The following CCDC186 variants were observed in gnomAD, a reference collection of about 807,000 sequenced individuals.
The protein encoded by CCDC186 is coiled-coil domain-containing protein 186.
CCDC186 carries 49 observed loss-of-function variants against 113.7 expected under a neutral mutation model. The observed-to-expected ratio is 0.43, with a 90% CI of 0.34 to 0.55. The LOEUF is 0.55. CCDC186 is among the 20% of genes least tolerant of loss of function. The probability of loss-of-function intolerance (pLI) is 0.02; values close to 1 mark genes in which losing one functional copy is unlikely to be tolerated. For missense variants in CCDC186, 890 were observed against 1,011.1 expected, an observed-to-expected ratio of 0.88 and a Z score of 1.62; for synonymous variants, 355 against 345.8, an observed-to-expected ratio of 1.03 and a Z score of -0.30.
At chr10:114,134,173 C>T (rs963046819) in intron 10 of CCDC186, among the ~76,000 whole-genome samples, 3 of 152,144 alleles carry the variant, frequency 2.0e-5, no homozygotes, top group African/African-American at 4.8e-5. Context: ...ACAACTGTCA[C>T]CTGACAGCTC....
chr10:114,167,897 G>A (rs2032383315), intron 1 of CCDC186, among the ~76,000 whole-genome samples: 1 of 151,302 alleles, frequency 6.6e-6, no homozygotes, highest in Non-Finnish European at 1.5e-5. Context: ...GAGATGGGAG[G>A]ATCACTTGAG....
chr10:114,172,731 T>C (rs767248416), intron 1 of CCDC186, among the ~76,000 whole-genome samples: 1 of 152,208 alleles, frequency 6.6e-6, no homozygotes. Flanking sequence ...GCATTAAAAA[T>C]AACATGAAAA....
At chr10:114,173,073 G>C (rs1238429629) in intron 1 of CCDC186, 15 of 372,156 alleles carry the variant, frequency 4.0e-5, no homozygotes, top group Non-Finnish European at 8.2e-5. Flanking sequence ...CCGGCCTATC[G>C]TTTTGGAAGA....
At chr10:114,153,700 C>T (rs1363057042) in intron 3 of CCDC186, among the ~76,000 whole-genome samples, 3 of 150,712 alleles carry the variant, frequency 2.0e-5, no homozygotes, top group African/African-American at 4.9e-5. Context: ...GCAGGAGAAT[C>T]GCTTGAACTC....
At chr10:114,132,779 G>A (rs1003166248) in intron 10 of CCDC186, among the ~76,000 whole-genome samples, 4 of 152,196 alleles carry the variant, frequency 2.6e-5, no homozygotes, top group African/African-American at 9.6e-5. Flanking sequence ...CAAACAGTAT[G>A]TGCTAAAAAC....
At chr10:114,157,357 A>AT (rs5788057) in intron 3 of CCDC186, among the ~76,000 whole-genome samples, 197 bp downstream of exon 3, 6,919 of 130,138 alleles carry the variant, frequency 0.053, 207 homozygotes, top group South Asian at 0.071. Context: ...CTAATTTTCT[A>AT]TTTTTTTTTT....
intron 4 of CCDC186, among the ~76,000 whole-genome samples, chr10:114,146,224 A>G (rs1250367955): frequency 6.6e-6 from 1 of 151,946 alleles, no homozygotes; most frequent in Non-Finnish European, 1.5e-5. Flanking sequence ...GCTGATGGCC[A>G]CTCCCCTTGT....
chr10:114,136,072 T>C (rs2031250635), intron 8 of CCDC186, 76 bp downstream of exon 8: 5 of 1,496,426 alleles, frequency 3.3e-6, no homozygotes, highest in South Asian at 2.3e-5. Flanking sequence ...TAAAAGTAGA[T>C]AGCAATAAGT....
chr10:114,125,360 A>C, intron 15 of CCDC186, 134 bp from the exon 16 acceptor site: 1 of 591,718 alleles, frequency 1.7e-6, no homozygotes. Flanking sequence ...ATGTCAGATA[A>C]ACTAGTGACA....
chr10:114,132,164 T>C lies in CCDC186; in HGVS notation c.1676A>G (p.Asn559Ser). 2 of 1,598,576 alleles carry C rather than the reference T, an allele frequency of 1.3e-6. No homozygotes were observed. The highest frequency in any genetic ancestry group is 1.7e-6 in the Non-Finnish European group (2 of 1,172,470). Residue 559 changes from asparagine (N) to serine (S), a missense_variant, in exon 11 of 16, where the codon AAT becomes AGT. Physicochemically the swap from Asn to Ser is conservative, Grantham distance 46. Transcript: ENST00000369287. ...AAGACTTTCCACTTCTTCTTTCAAATTTTCAATTTCTTGCTTACCTCTAAA... is the reference window on the plus strand; with the variant it reads ...AAGACTTTCCACTTCTTCTTTCAAACTTTCAATTTCTTGCTTACCTCTAAA... ...QLQRGKQEIE[N>S]LKEEVESLNS...
At chr10:114,126,876 C>A (rs945915947) in intron 14 of CCDC186, among the ~76,000 whole-genome samples, 13 of 152,112 alleles carry the variant, frequency 8.5e-5, no homozygotes, top group Non-Finnish European at 2.9e-5. Context: ...AGGAATTTGG[C>A]GCAGCACTCC....
Position 114,132,262 on chromosome 10 carries a change from A to T in CCDC186, c.1656-78T>A, listed in dbSNP as rs2031112630. The T allele has an allele frequency of 3.9e-6, 4 of 1,027,794 alleles. No homozygotes were observed. In the South Asian group the frequency reaches 7.7e-5, roughly 20 times the overall value. The allele number at this position is 1,027,794 out of a possible 1,614,324, so 63.7% of individuals were successfully genotyped here. Reference sequence around the variant, plus strand: ...ATTAATGGTTTGGGAATTTTCATCTAGTCAAATGCTTAATAAAGGTACTTC... The same window carrying T: ...ATTAATGGTTTGGGAATTTTCATCTTGTCAAATGCTTAATAAAGGTACTTC... On this transcript the variant is annotated intron_variant, in intron 10 of 15. Coordinates refer to ENST00000369287, the MANE Select transcript of CCDC186 (RefSeq NM_018017.4).
intron 4 of CCDC186, among the ~76,000 whole-genome samples, chr10:114,149,778 C>A (rs12415692): frequency 0.02 from 286 of 14,384 alleles, no homozygotes; most frequent in Middle Eastern, 0.065. Flanking sequence ...GGAAGGAAGG[C>A]AGGAAGGCAG....
At chr10:114,144,432 C>T in intron 6 of CCDC186, 65 bp downstream of exon 6, 1 of 1,498,294 alleles carries the variant, frequency 6.7e-7, no homozygotes, top group South Asian at 1.3e-5. Flanking sequence ...AAAAAAAAAA[C>T]AAAAACAAAA....
intron 4 of CCDC186, among the ~76,000 whole-genome samples, chr10:114,150,034 G>A (rs2031799158): frequency 6.6e-6 from 1 of 152,176 alleles, no homozygotes; most frequent in African/African-American, 2.4e-5. Flanking sequence ...TCTAATGCAA[G>A]GAGTCAGCAT....
At chr10:114,157,417 C>T in intron 3 of CCDC186, 137 bp downstream of exon 3, 1 of 645,776 alleles carries the variant, frequency 1.5e-6, no homozygotes, top group African/African-American at 1.9e-5. Flanking sequence ...GTCTCAAACT[C>T]CTGGGCTCAA....
chr10:114,129,981 AAAG>A lies in CCDC186; in HGVS notation c.2102-13_2102-11del, dbSNP rs2031036177. ...TCTAATTTTCTTCGTGCTATAGGAA[AAAG>A]AAGATTATTCGTCACAATTATCAGG... On this transcript the variant is annotated splice_polypyrimidine_tract_variant and intron_variant, in intron 12 of 15. Coordinates refer to ENST00000369287, the MANE Select transcript of CCDC186 (RefSeq NM_018017.4). 1 of 1,611,458 alleles carries A rather than the reference AAAG, an allele frequency of 6.2e-7. No individual in the cohort carries two copies. The highest frequency in any genetic ancestry group is 1.7e-4 in the Middle Eastern group (1 of 6,044).
At chr10:114,127,814 G>T (rs1156836532) in intron 13 of CCDC186, 143 bp from the exon 14 acceptor site, 1 of 754,512 alleles carries the variant, frequency 1.3e-6, no homozygotes, top group Non-Finnish European at 2.1e-6. Flanking sequence ...ACGTGGCTGA[G>T]GTTCTGGTTT....
rs774136445 is a variant in CCDC186 at position 114,137,137 on chromosome 10, T to A, written c.1326+49A>T. 2.9e-6 allele frequency: 4 copies of A among 1,395,808 alleles called. No individual in the cohort carries two copies. The East Asian group carries it at 9.2e-5, about 32-fold the overall frequency. The allele number at this position is 1,395,808 out of a possible 1,614,324, so 86.5% of individuals were successfully genotyped here. On this transcript the variant is annotated intron_variant, in intron 7 of 15. Coordinates refer to ENST00000369287, the MANE Select transcript of CCDC186 (RefSeq NM_018017.4). ...ATCTAAAAAAAGAAAAAGAGAGAACTGATATTTGCTAAAATTTGATACTAA... is the reference window on the plus strand; with the variant it reads ...ATCTAAAAAAAGAAAAAGAGAGAACAGATATTTGCTAAAATTTGATACTAA...
Sources: allele counts gnomAD v4.1 joint callset (sites outside exome capture counted in the v4.1 genomes callset), GRCh38; gene constraint gnomAD v4.1.1; transcripts MANE v1.5; gene names NCBI Gene and HGNC (gene_info 2026-07-23, HGNC 2026-07-21).